Variants in HUWE1 observed in about 807,000 individuals in gnomAD.
The protein encoded by HUWE1 is E3 ubiquitin-protein ligase HUWE1.
Under a neutral mutation model 299.4 loss-of-function variants are expected in HUWE1, and 18 were observed. The ratio of observed to expected loss-of-function variants is 0.06; its 90% confidence interval spans 0.04 to 0.09. The LOEUF (loss-of-function observed/expected upper bound fraction) is 0.09, where lower values mean the gene tolerates loss of function less well. Ranked by LOEUF, HUWE1 falls within the 10% of genes least tolerant of loss-of-function variation. The probability of loss-of-function intolerance (pLI) is 1.00; values close to 1 mark genes in which losing one functional copy is unlikely to be tolerated. For synonymous variants in HUWE1, 1,317 were observed against 1,286.1 expected (o/e 1.02, Z -0.51); for missense variants, 1,832 against 3,462.3 (o/e 0.53, Z 11.82).
intron 23 of HUWE1, among the ~76,000 whole-genome samples, chrX:53,614,071 C>T (rs1317105231): frequency 1.8e-5 from 2 of 110,841 alleles, no homozygotes; most frequent in Non-Finnish European, 3.8e-5. Flanking sequence ...TTGAGATTAG[C>T]CTGGTCAACA....
At chrX:53,586,678 A>G in intron 38 of HUWE1, 104 bp downstream of exon 38, 4 of 1,087,358 alleles carry the variant, frequency 3.7e-6, no homozygotes, top group Non-Finnish European at 5.1e-6. Context: ...AAAACTACAG[A>G]AGTACCACAA....
rs782704992 is a variant in HUWE1 at position 53,615,733 on chromosome X, T to A, written c.2049+11A>T. ...TCTCATGCTCATGGTCACATCCTTA[T>A]CACTTTCTACCTTGATGATGGCAGT... is the stretch of plus-strand genomic sequence containing the variant. On this transcript the variant is annotated intron_variant, in intron 22 of 83. Transcript: ENST00000262854. 8 of 1,183,728 alleles carry A rather than the reference T, an allele frequency of 6.8e-6. No homozygotes were observed. The highest frequency in any genetic ancestry group is 9.2e-6 in the Non-Finnish European group (8 of 872,018).
intron 3 of HUWE1, among the ~76,000 whole-genome samples, chrX:53,679,019 T>C (rs782445339): frequency 8.9e-6 from 1 of 111,970 alleles, no homozygotes; most frequent in Middle Eastern, 4.6e-3. Context: ...CCAACTAGGA[T>C]ACAGGAGATT....
At chrX:53,581,466 A>G (rs2063609443) in intron 42 of HUWE1, among the ~76,000 whole-genome samples, 1 of 112,463 alleles carries the variant, frequency 8.9e-6, no homozygotes, top group Non-Finnish European at 1.9e-5. Flanking sequence ...CACTGGAGAT[A>G]CTGAACTATT....
intron 46 of HUWE1, among the ~76,000 whole-genome samples, chrX:53,574,214 C>T (rs141984471): frequency 0.011 from 1,193 of 112,080 alleles, 22 homozygotes; most frequent in African/African-American, 0.036. Context: ...CTTTTACATA[C>T]TCCAGAAACA....
chrX:53,585,137 G>A lies in HUWE1; in HGVS notation c.4876C>T (p.Arg1626Cys). 1 of 1,211,690 alleles carries A rather than the reference G, an allele frequency of 8.3e-7. No individual in the cohort carries two copies. The highest frequency in any genetic ancestry group is 1.1e-6 in the Non-Finnish European group (1 of 895,380). The stretch of plus-strand genomic sequence containing the variant: ...TTGCTTGCACTGTAACTACACCAAC[G>A]CCCAGAGCGATCATCAAACCAGCGC... The part of the protein sequence containing the change: ...NWRWFDDRSG[R>C]WCSYSASNNS... Residue 1626 changes from arginine (R) to cysteine (C), a missense_variant, in exon 40 of 84, where the codon CGT (arginine) becomes TGT (cysteine). Physicochemically the swap from Arg to Cys is radical, Grantham distance 180. Transcript: ENST00000262854.
intron 18 of HUWE1, among the ~76,000 whole-genome samples, 157 bp downstream of exon 18, chrX:53,625,000 T>G (rs2066393893): frequency 8.9e-6 from 1 of 112,100 alleles, no homozygotes; most frequent in Admixed American, 9.4e-5. Flanking sequence ...CACTTACATC[T>G]AGGAAAAGTG....
rs782410329 is a variant in HUWE1 at position 53,604,628 on chromosome X, G to A, written c.2703C>T (p.Ala901=). The A allele has an allele frequency of 4.1e-6, 5 of 1,209,557 alleles. No homozygotes were observed. The Admixed American group carries it at 8.7e-5, about 21-fold the overall frequency. ...AAGTATGAACAAACATCATGATGTAGGCATGGGCAGCAGTGAGTGCATGCA... is the reference window on the plus strand; with the variant it reads ...AAGTATGAACAAACATCATGATGTAAGCATGGGCAGCAGTGAGTGCATGCA... The part of the protein sequence containing the change: ...PLLHALTAAH[A]YIMMFVHTCR... The change falls in exon 26 of 84, where the codon GCC becomes GCT. Residue 901 remains alanine (A), a synonymous_variant. Transcript: ENST00000262854.
intron 73 of HUWE1, 31 bp downstream of exon 73, chrX:53,543,810 A>G (rs2061446527): frequency 8.3e-7 from 1 of 1,209,200 alleles, no homozygotes; most frequent in Non-Finnish European, 1.1e-6. Context: ...GGAGAGACAA[A>G]TGAATGAGGG....
intron 67 of HUWE1, among the ~76,000 whole-genome samples, chrX:53,548,738 C>A (rs1196303463): frequency 2.7e-5 from 3 of 112,500 alleles, no homozygotes; most frequent in Non-Finnish European, 1.9e-5. Context: ...AGGAATCATA[C>A]AGCCCAGTTG....
intron 28 of HUWE1, among the ~76,000 whole-genome samples, chrX:53,601,195 T>C (rs1331363630): frequency 9.1e-6 from 1 of 109,617 alleles, no homozygotes; most frequent in Non-Finnish European, 1.9e-5. Context: ...CTTTTTTTTT[T>C]TTTGGAGACA....
At chrX:53,567,153 G>A (rs1295695918) in intron 49 of HUWE1, among the ~76,000 whole-genome samples, 1 of 111,907 alleles carries the variant, frequency 8.9e-6, no homozygotes, top group Non-Finnish European at 1.9e-5. Context: ...GTACTTAGAG[G>A]TAAAGTTTTA....
At chrX:53,627,612 G>T in intron 16 of HUWE1, 97 bp from the exon 17 acceptor site, 1 of 771,998 alleles carries the variant, frequency 1.3e-6, no homozygotes, top group Non-Finnish European at 1.9e-6. Context: ...AACACTGCAA[G>T]CAGATACACA....
At position 53,588,450 on chromosome X, in the gene HUWE1, G is replaced by C. The variant is rs1602910127; in HGVS notation, c.4546C>G (p.Gln1516Glu). 1 of 1,208,897 alleles carries C rather than the reference G, an allele frequency of 8.3e-7. No homozygotes were observed. Among genetic ancestry groups the C allele is most frequent in the Non-Finnish European group, 1.1e-6 (1 of 893,775 alleles). The change falls in exon 37 of 84, where the codon CAG becomes GAG. Residue 1516 changes from glutamine to glutamate, a missense_variant. Coordinates refer to ENST00000262854, the MANE Select transcript of HUWE1 (RefSeq NM_031407.7). Reference protein sequence around the residue: ...DTKTVSEWISQMATLPQASNL... With the variant: ...DTKTVSEWISEMATLPQASNL... ...GAGGCCTGGGGCAGTGTGGCCATCT[G>C]ACTTATCCACTCTGACACGGTTTTT...
intron 55 of HUWE1, among the ~76,000 whole-genome samples, chrX:53,561,377 A>C (rs2062283136): frequency 8.9e-6 from 1 of 112,729 alleles, no homozygotes; most frequent in Admixed American, 9.3e-5. Context: ...CTCAAAGGTG[A>C]CCATTCAAAC....
chrX:53,588,946 TTTAC>T (rs782609350), intron 36 of HUWE1, among the ~76,000 whole-genome samples: 1 of 112,616 alleles, frequency 8.9e-6, no homozygotes, highest in Non-Finnish European at 1.9e-5. Flanking sequence ...CCAGTTTTCC[TTTAC>T]TTGTGTTCTT....
chrX:53,621,145 A>C (rs1378614866), intron 19 of HUWE1, among the ~76,000 whole-genome samples: 1 of 111,611 alleles, frequency 9.0e-6, no homozygotes, highest in African/African-American at 3.3e-5. Context: ...CTATTGCAGG[A>C]TATGGGATGG....
At chrX:53,663,275 G>C (rs1873530889) in intron 3 of HUWE1, among the ~76,000 whole-genome samples, 1 of 112,333 alleles carries the variant, frequency 8.9e-6, no homozygotes, top group Non-Finnish European at 1.9e-5. Flanking sequence ...CACTCTGGGA[G>C]GCCGAGGCGG....
rs918469283 is a variant in HUWE1, at chrX:53,608,777, A to G, written c.2319+75T>C. On this transcript the variant is annotated intron_variant, in intron 24 of 83. Coordinates refer to ENST00000262854, the MANE Select transcript of HUWE1 (RefSeq NM_031407.7). ...TTAAAATGAATACGGTAATTACTGGACTCTGATAACGAAACACATTTTCCA... is the reference window on the plus strand; with the variant it reads ...TTAAAATGAATACGGTAATTACTGGGCTCTGATAACGAAACACATTTTCCA... 4 of 626,695 alleles carry G rather than the reference A, an allele frequency of 6.4e-6. No individual in the cohort carries two copies. In the East Asian group the frequency reaches 1.3e-4, roughly 20 times the overall value. 51.6% of individuals were successfully genotyped at this position (626,695 alleles called of 1,213,427 possible).
Sources: gnomAD v4.1 joint callset for allele counts (sites outside exome capture counted in the v4.1 genomes callset) on GRCh38, gnomAD v4.1.1 for gene constraint, MANE v1.5 for transcripts, NCBI Gene and HGNC (gene_info 2026-07-23, HGNC 2026-07-21) for gene names.